The following DUSP4 variants were observed in gnomAD, a reference collection of about 807,000 sequenced individuals.
DUSP4 encodes dual specificity protein phosphatase 4.
DUSP4 carries 12 observed loss-of-function variants against 27.2 expected under a neutral mutation model. The ratio of observed to expected loss-of-function variants is 0.44; its 90% CI spans 0.28 to 0.71. DUSP4 has a LOEUF of 0.71. Among genes scored for constraint, DUSP4 ranks in the 30% least tolerant of loss-of-function variants. DUSP4 has a pLI of 0.14. For missense variants in DUSP4, 448 were observed against 551.3 expected (o/e 0.81, Z 1.88); for synonymous variants, 257 against 245.2 (o/e 1.05, Z -0.45).
At chr8:29,344,088 G>A (rs574836584) in intron 1 of DUSP4, among the ~76,000 whole-genome samples, 1 of 152,346 alleles carries the variant, frequency 6.6e-6, no homozygotes, top group African/African-American at 2.4e-5. Flanking sequence ...AGATCCAGGT[G>A]TAAGTCCAAC....
Position 29,336,970 on chromosome 8 carries a change from G to C in DUSP4, c.*56C>G. The C allele has an allele frequency of 6.8e-7, 1 of 1,477,036 alleles. No individual in the cohort carries two copies. Among genetic ancestry groups the C allele is most frequent in the Non-Finnish European group, 9.0e-7 (1 of 1,113,878 alleles). 91.5% of individuals were successfully genotyped at this position (1,477,036 alleles called of 1,614,324 possible). A position where few individuals can be genotyped will look rare whatever the true frequency, so the allele number is the denominator to read the frequency against. ...CAGTCCCAACTTTCTGCCCGCATGCGGCCCGTCCTACCCTTGCTGGGAGCC... is the reference window on the plus strand; with the variant it reads ...CAGTCCCAACTTTCTGCCCGCATGCCGCCCGTCCTACCCTTGCTGGGAGCC... On this transcript the variant is annotated 3_prime_UTR_variant, in exon 4 of 4. Coordinates refer to ENST00000240100, the MANE Select transcript of DUSP4 (RefSeq NM_001394.7).
At position 29,350,263 on chromosome 8, in the gene DUSP4, C is replaced by G; in HGVS notation, c.16G>C (p.Glu6Gln). 1 of 1,582,110 alleles carries G rather than the reference C, an allele frequency of 6.3e-7. No homozygotes were observed. The highest frequency in any genetic ancestry group is 8.6e-7 in the Non-Finnish European group (1 of 1,162,066). The stretch of plus-strand genomic sequence containing the variant: ...ACACTGCAGTCCATCTCCCGCAGCT[C>G]CTCCATCGTCACCATGGTCGCCGGG... MVTME[E>Q]LREMDCSVLK... Residue 6 changes from glutamate (E) to glutamine (Q), a missense_variant, in exon 1 of 4, where the codon GAG (glutamate) becomes CAG (glutamine). Coordinates refer to ENST00000240100, the MANE Select transcript of DUSP4 (RefSeq NM_001394.7).
At chr8:29,345,778 T>C (rs976196961) in intron 1 of DUSP4, 5 of 1,276,640 alleles carry the variant, frequency 3.9e-6, no homozygotes, top group Non-Finnish European at 4.9e-6. Flanking sequence ...TACACCTACA[T>C]CTGTCTTTAG....
intron 1 of DUSP4, among the ~76,000 whole-genome samples, chr8:29,344,833 T>C (rs1274597306): frequency 7.2e-6 from 1 of 138,482 alleles, no homozygotes; most frequent in African/African-American, 2.7e-5. Flanking sequence ...TCATGGATCT[T>C]TTTTTTTTTT....
intron 1 of DUSP4, chr8:29,348,660 G>C: frequency 1.0e-6 from 1 of 985,458 alleles, no homozygotes; most frequent in Non-Finnish European, 1.2e-6. Context: ...TTGGAGGGGA[G>C]AGGTTTCCGC....
rs1378951571 is a variant in DUSP4 at position 29,340,142 on chromosome 8, A to C, written c.535T>G (p.Leu179Val). The change falls in exon 2 of 4, where the codon TTG becomes GTG. Residue 179 changes from leucine (L) to valine (V), a missense_variant. Leu to Val is a conservative substitution (Grantham distance 32). Transcript: ENST00000240100. ...PPVPPSATEP[L>V]DLGCSSCGTP... ...CCACAGGAGCTGCAGCCCAGGTCCA[A>C]GGGCTCTGTGGCACTGGGGGGAACC... is the stretch of plus-strand genomic sequence containing the variant. 3.1e-6 allele frequency: 5 copies of C among 1,604,474 alleles called. No individual in the cohort carries two copies.
Position 29,338,460 on chromosome 8 carries a change from A to G in DUSP4, c.621T>C (p.Ser207=), listed in dbSNP as rs1231945407. ...VEILPFLYLG[S]AYHAARRDML... ...TGTCTCTCCGGGCAGCATGGTAGGC[A>G]CTGCCGAGGTAGAGGAAGGGAAGGA... Residue 207 remains serine, a synonymous_variant, in exon 3 of 4, where the codon AGT becomes AGC. Coordinates refer to ENST00000240100, the MANE Select transcript of DUSP4 (RefSeq NM_001394.7). 1 of 1,613,962 alleles carries G rather than the reference A, an allele frequency of 6.2e-7. No homozygotes were observed. The highest frequency in any genetic ancestry group is 8.5e-7 in the Non-Finnish European group (1 of 1,180,028).
intron 3 of DUSP4, 46 bp downstream of exon 3, chr8:29,338,236 C>T: frequency 4.1e-6 from 6 of 1,481,266 alleles, no homozygotes; most frequent in Non-Finnish European, 5.6e-6. Flanking sequence ...CCTTATCCTT[C>T]CCACCCGCCC....
rs73566926 is a variant in DUSP4 at position 29,340,308 on chromosome 8, C to T, written c.434-65G>A. On this transcript the variant is annotated intron_variant, in intron 1 of 3. Transcript: ENST00000240100. ...AGCCAGCAGGAAGTCAGAAAGAACT[C>T]GACTCCTACAGACTCAGGCGGACTG... The T allele has an allele frequency of 0.015, 22,569 of 1,530,956 alleles. 2,125 individuals carry two copies. The African/African-American group carries it at 0.24, about 16-fold the overall frequency. 94.8% of individuals were successfully genotyped at this position (1,530,956 alleles called of 1,614,324 possible). A position where few individuals can be genotyped will look rare whatever the true frequency, so the allele number is the denominator to read the frequency against.
rs1418695443 is a variant in DUSP4, at chr8:29,334,308, C to G, written c.*2718G>C. The G allele has an allele frequency of 1.3e-5, 2 of 152,208 alleles. No homozygotes were observed. The highest frequency in any genetic ancestry group is 2.4e-5 in the African/African-American group (1 of 41,442). 9.4% of individuals were successfully genotyped at this position (152,208 alleles called of 1,614,324 possible). A position where few individuals can be genotyped will look rare whatever the true frequency, so the allele number is the denominator to read the frequency against. On this transcript the variant is annotated 3_prime_UTR_variant, in exon 4 of 4. Transcript: ENST00000240100. ...AACTCACTGACCTATTGGACTGACG[C>G]TGGGGTGGTATCTTCATCAGAGCTA...
At chr8:29,345,544 G>T (rs200665049) in intron 1 of DUSP4, 33 of 1,545,448 alleles carry the variant, frequency 2.1e-5, no homozygotes, top group Admixed American at 6.7e-5. Context: ...CTTCCTCTTC[G>T]TTAGCCAGGA....
rs915766204 is a variant in DUSP4 at position 29,347,920 on chromosome 8, T to C, written c.433+1926A>G. The C allele has an allele frequency of 1.1e-5, 11 of 985,260 alleles. No individual in the cohort carries two copies. In the African/African-American group the frequency reaches 1.7e-4, roughly 16 times the overall value. The allele number at this position is 985,260 out of a possible 1,614,324, so 61.0% of individuals were successfully genotyped here. A position where few individuals can be genotyped will look rare whatever the true frequency, so the allele number is the denominator to read the frequency against. ...ACGGGATTCACGAGGGACAGGGAAA[T>C]GCCGCGCGCCCTGGGGATAAATCTT... On this transcript the variant is annotated intron_variant, in intron 1 of 3. Coordinates refer to ENST00000240100, the MANE Select transcript of DUSP4 (RefSeq NM_001394.7).
chr8:29,344,831 CTTT>C lies in DUSP4; in HGVS notation c.434-4591_434-4589del, dbSNP rs1207397990. ...TTTGGTGGTGACTATGGTCATGGAT[CTTT>C]TTTTTTTTTTTTTCCCCAGACAGGG... is the stretch of plus-strand genomic sequence containing the variant. On this transcript the variant is annotated intron_variant, in intron 1 of 3. Coordinates refer to ENST00000240100, the MANE Select transcript of DUSP4 (RefSeq NM_001394.7). Among the ~76,000 whole-genome samples, 6 of 144,864 alleles carry C rather than the reference CTTT, an allele frequency of 4.1e-5. No homozygotes were observed. The East Asian group carries it at 8.0e-4, about 19-fold the overall frequency.
Position 29,350,150 on chromosome 8 carries a change from G to A in DUSP4, c.129C>T (p.Gly43=). 3 of 1,609,242 alleles carry A rather than the reference G, an allele frequency of 1.9e-6. No homozygotes were observed. The highest frequency in any genetic ancestry group is 2.5e-6 in the Non-Finnish European group (3 of 1,179,248). Residue 43 remains glycine (G), a synonymous_variant, in exon 1 of 4, where the codon GGC becomes GGT. Coordinates refer to ENST00000240100, the MANE Select transcript of DUSP4 (RefSeq NM_001394.7). Reference sequence around the variant, plus strand: ...GTCTGCAGTCCAGCAGCAGGCACTTGCCGCCGCTCGGCAGCCCCAGGGTGC... The same window carrying A: ...GTCTGCAGTCCAGCAGCAGGCACTTACCGCCGCTCGGCAGCCCCAGGGTGC... ...SHGTLGLPSG[G]KCLLLDCRPF... is the part of the protein sequence containing the mutation.
At chr8:29,348,729 G>C (rs1244387605) in intron 1 of DUSP4, 1 of 985,496 alleles carries the variant, frequency 1.0e-6, no homozygotes, top group Non-Finnish European at 1.2e-6. Context: ...GGAAAGGAAA[G>C]GAAGGGAGGG....
intron 1 of DUSP4, among the ~76,000 whole-genome samples, chr8:29,347,594 G>A (rs1470641257): frequency 6.6e-6 from 1 of 152,206 alleles, no homozygotes; most frequent in African/African-American, 2.4e-5. Flanking sequence ...AGAAGAGACC[G>A]AAGCTAAATC....
In DUSP4 at chr8:29,333,225, C is replaced by T. The variant is rs1213531750; in HGVS notation, c.*3801G>A. On this transcript the variant is annotated 3_prime_UTR_variant, in exon 4 of 4. Transcript: ENST00000240100. ...ATTATCAAATGTAGAAATGGTATCA[C>T]TCTGAAAGATGGGGCTATTTACACA... 1 of 152,178 alleles carries T rather than the reference C, an allele frequency of 6.6e-6. No individual in the cohort carries two copies. Among genetic ancestry groups the T allele is most frequent in the African/African-American group, 2.4e-5 (1 of 41,426 alleles). The allele number at this position is 152,178 out of a possible 1,614,324, so 9.4% of individuals were successfully genotyped here. A position where few individuals can be genotyped will look rare whatever the true frequency, so the allele number is the denominator to read the frequency against.
In DUSP4 at chr8:29,341,449, T is replaced by C. The variant is rs540565180; in HGVS notation, c.434-1206A>G. ...TACTGAGAGGAAGGAAACGGTTCTC[T>C]ACCACATCATGAGGCTTATAGAAAC... is the stretch of plus-strand genomic sequence containing the variant. On this transcript the variant is annotated intron_variant, in intron 1 of 3. Coordinates refer to ENST00000240100, the MANE Select transcript of DUSP4 (RefSeq NM_001394.7). 2.6e-5 allele frequency among the ~76,000 whole-genome samples: 4 copies of C among 152,348 alleles called. No individual in the cohort carries two copies. In the East Asian group the frequency reaches 5.8e-4, roughly 22 times the overall value.
In DUSP4 at chr8:29,334,934, C is replaced by T. The variant is rs1489527774; in HGVS notation, c.*2092G>A. The T allele has an allele frequency of 6.6e-6, 1 of 152,154 alleles. No individual in the cohort carries two copies. The highest frequency in any genetic ancestry group is 1.5e-5 in the Non-Finnish European group (1 of 68,030). 9.4% of individuals were successfully genotyped at this position (152,154 alleles called of 1,614,324 possible). A position where few individuals can be genotyped will look rare whatever the true frequency, so the allele number is the denominator to read the frequency against. On this transcript the variant is annotated 3_prime_UTR_variant, in exon 4 of 4. Transcript: ENST00000240100. ...GTGAAGTCAGGATGAATGATGCCGT[C>T]ACAGGTTCATGGTTCATGGAAGGAA...
Sources: allele counts gnomAD v4.1 joint callset (sites outside exome capture counted in the v4.1 genomes callset), GRCh38; gene constraint gnomAD v4.1.1; transcripts MANE v1.5; gene names NCBI Gene and HGNC (gene_info 2026-07-23, HGNC 2026-07-21).